Variants in GRIK2 observed in about 807,000 individuals in gnomAD.
GRIK2 encodes the protein glutamate receptor ionotropic, kainate 2.
Under a neutral mutation model 100.3 loss-of-function variants are expected in GRIK2, and 32 were observed. The observed-to-expected ratio is 0.32, with a 90% CI of 0.24 to 0.43. The LOEUF (loss-of-function observed/expected upper bound fraction) is 0.43, where lower values mean the gene tolerates loss of function less well. GRIK2 is among the 20% of genes least tolerant of loss of function. GRIK2 has a pLI of 1.00. For synonymous variants in GRIK2, 417 were observed against 389.4 expected, an observed-to-expected ratio of 1.07 and a Z score of -0.83; for missense variants, 843 against 1,114.9, an observed-to-expected ratio of 0.76 and a Z score of 3.47.
chr6:101,989,939 A>G (rs1427623343), intron 14 of GRIK2, among the ~76,000 whole-genome samples: 2 of 151,650 alleles, frequency 1.3e-5, no homozygotes, highest in Middle Eastern at 3.2e-3. Flanking sequence ...AGTGGAAAGA[A>G]GGACTTAATA....
intron 14 of GRIK2, among the ~76,000 whole-genome samples, chr6:102,032,383 G>A (rs558003830): frequency 6.6e-6 from 1 of 151,278 alleles, no homozygotes; most frequent in Non-Finnish European, 1.5e-5. Flanking sequence ...AGAGGGGAGG[G>A]AAAATACCTT....
chr6:101,471,620 T>C (rs1771952450), intron 2 of GRIK2, among the ~76,000 whole-genome samples: 1 of 152,006 alleles, frequency 6.6e-6, no homozygotes, highest in Admixed American at 6.6e-5. Flanking sequence ...TGTTACAATA[T>C]TTATCTCTTT....
chr6:102,024,030 CAT>C (rs1769566229), intron 14 of GRIK2, among the ~76,000 whole-genome samples: 1 of 151,074 alleles, frequency 6.6e-6, no homozygotes, highest in South Asian at 2.1e-4. Context: ...AGTCTAAAAT[CAT>C]AGAGCAGGAA....
rs542104652 is a variant in GRIK2, at chr6:101,678,373, A to AT, written c.723+1572dup. ...AAAAGGAAAACAGAAATAATAGAAT[A>AT]TTTAAATACATATAACAGAAAAATG... On this transcript the variant is annotated intron_variant, in intron 5 of 16. Transcript: ENST00000369134. Among the ~76,000 whole-genome samples, 239 of 152,278 alleles carry AT rather than the reference A, an allele frequency of 1.6e-3. 1 individual carries two copies. The highest frequency in any genetic ancestry group is 5.7e-3 in the African/African-American group (237 of 41,580).
At chr6:101,596,986 A>G (rs1778958140) in intron 2 of GRIK2, among the ~76,000 whole-genome samples, 1 of 151,944 alleles carries the variant, frequency 6.6e-6, no homozygotes, top group African/African-American at 2.4e-5. Context: ...CATGGAATCA[A>G]CCTAGGTGCC....
chr6:101,573,302 G>C (rs778722200), intron 2 of GRIK2, among the ~76,000 whole-genome samples: 14 of 152,148 alleles, frequency 9.2e-5, no homozygotes, highest in Non-Finnish European at 1.5e-4. Flanking sequence ...AGTTTACTCA[G>C]ACATGCTTGG....
At chr6:101,649,501 C>T (rs1001716884) in intron 4 of GRIK2, among the ~76,000 whole-genome samples, 7 of 152,066 alleles carry the variant, frequency 4.6e-5, no homozygotes, top group Admixed American at 3.9e-4. Flanking sequence ...CAACCAACAG[C>T]TCGTACATCA....
At chr6:101,660,751 G>C (rs1041215884) in intron 4 of GRIK2, among the ~76,000 whole-genome samples, 2 of 152,074 alleles carry the variant, frequency 1.3e-5, no homozygotes, top group African/African-American at 4.8e-5. Context: ...AGGTCTTCTG[G>C]AGTTTGCTGG....
intron 14 of GRIK2, among the ~76,000 whole-genome samples, chr6:101,937,528 A>T (rs1247972299): frequency 6.6e-6 from 1 of 152,190 alleles, no homozygotes; most frequent in Admixed American, 6.6e-5. Context: ...GATGCAAAAA[A>T]TAGGCTGAGA....
intron 12 of GRIK2, among the ~76,000 whole-genome samples, chr6:101,920,349 A>G (rs1386343602): frequency 6.6e-6 from 1 of 151,968 alleles, no homozygotes; most frequent in Non-Finnish European, 1.5e-5. Flanking sequence ...ATACTTCTCT[A>G]TTTAGCACCA....
At chr6:101,431,755 C>T (rs1352690364) in intron 2 of GRIK2, among the ~76,000 whole-genome samples, 1 of 152,148 alleles carries the variant, frequency 6.6e-6, no homozygotes, top group Non-Finnish European at 1.5e-5. Flanking sequence ...TGCATGGATA[C>T]TTTATAACTA....
At chr6:101,678,177 G>T (rs1363050454) in intron 5 of GRIK2, among the ~76,000 whole-genome samples, 4 of 152,080 alleles carry the variant, frequency 2.6e-5, no homozygotes, top group Non-Finnish European at 4.4e-5. Context: ...TAGTAAGTAT[G>T]TAAATGATCA....
intron 7 of GRIK2, among the ~76,000 whole-genome samples, chr6:101,751,138 T>C (rs1341305602): frequency 6.6e-6 from 1 of 152,128 alleles, no homozygotes; most frequent in African/African-American, 2.4e-5. Context: ...GGGGTCCCAC[T>C]ATGTTATCCA....
At chr6:101,676,070 C>A (rs760226540) in intron 4 of GRIK2, among the ~76,000 whole-genome samples, 3 of 152,096 alleles carry the variant, frequency 2.0e-5, no homozygotes, top group Non-Finnish European at 4.4e-5. Context: ...TAATCACTGA[C>A]TTACAAGGCC....
At chr6:101,668,458 C>G (rs1285451907) in intron 4 of GRIK2, among the ~76,000 whole-genome samples, 1 of 152,080 alleles carries the variant, frequency 6.6e-6, no homozygotes, top group Admixed American at 6.6e-5. Flanking sequence ...GGTACATATG[C>G]ACTATTTAGT....
chr6:101,890,367 T>G (rs1786969538), intron 12 of GRIK2: 1 of 152,420 alleles, frequency 6.6e-6, no homozygotes, highest in Admixed American at 6.5e-5. Context: ...TTTCACAGAA[T>G]AAATGTCATT....
At chr6:102,002,545 T>G (rs1450762196) in intron 14 of GRIK2, among the ~76,000 whole-genome samples, 1 of 150,384 alleles carries the variant, frequency 6.6e-6, no homozygotes, top group African/African-American at 2.4e-5. Flanking sequence ...TGAGAACATA[T>G]TATCTGCTCT....
chr6:101,744,541 T>TATATATATATATATACAC (rs1776283094), intron 7 of GRIK2: 3 of 123,116 alleles, frequency 2.4e-5, no homozygotes, highest in African/African-American at 1.0e-4. Context: ...TATATATATA[T>TATATATATATATATACAC]ATATATATAT....
intron 11 of GRIK2, among the ~76,000 whole-genome samples, chr6:101,884,175 G>A (rs1786456720): frequency 6.6e-6 from 1 of 152,098 alleles, no homozygotes; most frequent in Non-Finnish European, 1.5e-5. Context: ...GAGAGTTTAG[G>A]AATGCGTGGT....
Sources: gnomAD v4.1 joint callset for allele counts (sites outside exome capture counted in the v4.1 genomes callset) on GRCh38, gnomAD v4.1.1 for gene constraint, MANE v1.5 for transcripts, NCBI Gene and HGNC (gene_info 2026-07-23, HGNC 2026-07-21) for gene names.